Variants in KRT222 observed in about 807,000 individuals in gnomAD.
KRT222 encodes the protein keratin-like protein KRT222.
KRT222 carries 23 observed loss-of-function variants against 35.0 expected under a neutral mutation model. The ratio of observed to expected loss-of-function variants is 0.66; its 90% CI spans 0.47 to 0.93. KRT222 has a LOEUF of 0.93. Ranked by LOEUF, KRT222 falls within the 40% of genes least tolerant of loss-of-function variation. KRT222 has a pLI of 0.00. For synonymous variants in KRT222, 108 were observed against 118.8 expected, an observed-to-expected ratio of 0.91 and a Z score of 0.59; for missense variants, 339 against 346.3, an observed-to-expected ratio of 0.98 and a Z score of 0.17.
rs750079340 is a variant in KRT222 at position 40,661,885 on chromosome 17, ATGGGTCGGTTACTTT to A, written c.225+16_225+30del. The A allele has an allele frequency of 2.5e-6, 4 of 1,606,674 alleles. No individual in the cohort carries two copies. The South Asian group carries it at 4.5e-5, about 18-fold the overall frequency. ...TAATCAAATCACATCTGAGGACTCGATGGGTCGGTTACTTTTGGGATCATTCTCACCACAGCATGG... is the reference window on the plus strand; with the variant it reads ...TAATCAAATCACATCTGAGGACTCGATGGGATCATTCTCACCACAGCATGG... On this transcript the variant is annotated intron_variant, in intron 2 of 5. Transcript: ENST00000394052.
rs185538308 is a variant in KRT222, at chr17:40,664,736, A to G, written c.96+268T>C. ...AGGTTAGAGTGCACCATTTTATGGT[A>G]TGTTGACCCCATGTTAATGATAGGA... On this transcript the variant is annotated intron_variant, in intron 1 of 5. Transcript: ENST00000394052. 1.7e-3 allele frequency among the ~76,000 whole-genome samples: 262 copies of G among 152,322 alleles called. 1 individual carries two copies. The highest frequency in any genetic ancestry group is 5.9e-3 in the African/African-American group (246 of 41,570).
chr17:40,659,311 A>T (rs1204319856), intron 3 of KRT222, among the ~76,000 whole-genome samples: 1 of 151,666 alleles, frequency 6.6e-6, no homozygotes, highest in Non-Finnish European at 1.5e-5. Flanking sequence ...ATGCACCACC[A>T]TGCCCGGCTA....
chr17:40,664,826 A>T (rs1037559983), intron 1 of KRT222, 178 bp downstream of exon 1: 2 of 1,031,344 alleles, frequency 1.9e-6, no homozygotes, highest in Non-Finnish European at 2.7e-6. Flanking sequence ...ATTTAACAAT[A>T]TAATCACAGT....
At position 40,657,342 on chromosome 17, in the gene KRT222, C is replaced by T; in HGVS notation, c.659+10G>A. 1 of 1,514,034 alleles carries T rather than the reference C, an allele frequency of 6.6e-7. No individual in the cohort carries two copies. The allele number at this position is 1,514,034 out of a possible 1,614,324, so 93.8% of individuals were successfully genotyped here. A position where few individuals can be genotyped will look rare whatever the true frequency, so the allele number is the denominator to read the frequency against. ...TATTATTATTTCTTAGTCAAAGTTT[C>T]TTTACTTACTGAATAGTGCCATGAG... is the stretch of plus-strand genomic sequence containing the variant. On this transcript the variant is annotated intron_variant, in intron 5 of 5. Transcript: ENST00000394052.
intron 1 of KRT222, among the ~76,000 whole-genome samples, chr17:40,663,759 T>G (rs1471961779): frequency 2.6e-5 from 4 of 152,258 alleles, no homozygotes; most frequent in Non-Finnish European, 5.9e-5. Context: ...AAAGACACTT[T>G]AAACAAAACT....
rs938978008 is a variant in KRT222, at chr17:40,665,152, GCTGCGGCAGT to G, written c.-63_-54del. ...CTGAACCTTATCGATAGGATGAGTC[GCTGCGGCAGT>G]CTGCTCGGTCTGCGCGGAAGGCAGG... On this transcript the variant is annotated 5_prime_UTR_variant, in exon 1 of 6. Coordinates refer to ENST00000394052, the MANE Select transcript of KRT222 (RefSeq NM_152349.3). 3 of 1,540,082 alleles carry G rather than the reference GCTGCGGCAGT, an allele frequency of 1.9e-6. No individual in the cohort carries two copies. Among genetic ancestry groups the G allele is most frequent in the Non-Finnish European group, 9.0e-7 (1 of 1,115,608 alleles).
intron 1 of KRT222, among the ~76,000 whole-genome samples, chr17:40,664,327 G>C (rs997580377): frequency 2.0e-5 from 3 of 152,056 alleles, no homozygotes; most frequent in African/African-American, 4.8e-5. Flanking sequence ...ATCTAAGTAG[G>C]CTCTCTTTCT....
intron 1 of KRT222, 39 bp from the exon 2 acceptor site, chr17:40,662,083 A>G: frequency 6.2e-7 from 1 of 1,600,338 alleles, no homozygotes; most frequent in Non-Finnish European, 8.5e-7. Flanking sequence ...CAAACAAAAA[A>G]CAAGGAGTGC....
chr17:40,659,541 A>G (rs1343905639), intron 3 of KRT222, among the ~76,000 whole-genome samples: 1 of 152,034 alleles, frequency 6.6e-6, no homozygotes, highest in African/African-American at 2.4e-5. Flanking sequence ...CTCCTACCTT[A>G]GCCTCCCAAG....
chr17:40,659,040 A>C (rs1196356212), intron 3 of KRT222, among the ~76,000 whole-genome samples: 1 of 151,970 alleles, frequency 6.6e-6, no homozygotes, highest in Non-Finnish European at 1.5e-5. Context: ...GATTGTGGTG[A>C]TTGTGAATTT....
intron 2 of KRT222, among the ~76,000 whole-genome samples, chr17:40,661,577 AT>A (rs1275863386): frequency 6.6e-6 from 1 of 152,192 alleles, no homozygotes; most frequent in Non-Finnish European, 1.5e-5. Flanking sequence ...AATATTTTTT[AT>A]TCGACGTCTC....
Position 40,657,710 on chromosome 17 carries a change from G to C in KRT222, c.487C>G (p.Pro163Ala), listed in dbSNP as rs929001911. ...CIQGGKKDKK[P>A]TTSRVGFVLP... ...ACAAAACCAACTCTACTTGTGGTAGGCTTTTTGTCTTTTTTCCCACCTTGG... is the reference window on the plus strand; with the variant it reads ...ACAAAACCAACTCTACTTGTGGTAGCCTTTTTGTCTTTTTTCCCACCTTGG... The change falls in exon 4 of 6, where the codon CCT becomes GCT. Residue 163 changes from proline (P) to alanine (A), a missense_variant. By Grantham distance (27) the Pro-to-Ala change is conservative (BLOSUM62 -1). Transcript: ENST00000394052. 6 of 1,612,418 alleles carry C rather than the reference G, an allele frequency of 3.7e-6. No individual in the cohort carries two copies. In the Admixed American group the frequency reaches 6.7e-5, roughly 18 times the overall value.
rs1328919668 is a variant in KRT222, at chr17:40,657,411, T to A, written c.600A>T (p.Lys200Asn). 3 of 1,611,338 alleles carry A rather than the reference T, an allele frequency of 1.9e-6. No individual in the cohort carries two copies. The highest frequency in any genetic ancestry group is 2.5e-6 in the Non-Finnish European group (3 of 1,178,878). The change falls in exon 5 of 6, where the codon AAA becomes AAT. Residue 200 changes from lysine (K) to asparagine (N), a missense_variant. Lys to Asn is a moderately conservative substitution (Grantham distance 94, BLOSUM62 0). Coordinates refer to ENST00000394052, the MANE Select transcript of KRT222 (RefSeq NM_152349.3). The part of the protein sequence containing the change: ...YENENVETVT[K>N]QAILNGSIVK... ...CGATACTCCCATTTAAGATTGCCTG[T>A]TTGGTTACTGTTTCTACATTTTCAT...
At chr17:40,664,887 C>T in intron 1 of KRT222, 117 bp downstream of exon 1, 2 of 1,544,982 alleles carry the variant, frequency 1.3e-6, no homozygotes, top group Non-Finnish European at 1.7e-6. Flanking sequence ...AATTCCTTCC[C>T]CAATAGATGC....
At chr17:40,658,831 T>C (rs2037361769) in intron 3 of KRT222, among the ~76,000 whole-genome samples, 1 of 152,230 alleles carries the variant, frequency 6.6e-6, no homozygotes, top group Admixed American at 6.5e-5. Flanking sequence ...AATATGACCT[T>C]ATAAGTCATT....
At chr17:40,663,392 T>G (rs2037398668) in intron 1 of KRT222, among the ~76,000 whole-genome samples, 1 of 152,230 alleles carries the variant, frequency 6.6e-6, no homozygotes, top group Non-Finnish European at 1.5e-5. Context: ...TAGCTTCCAC[T>G]TCTATGCTTT....
At chr17:40,661,790 G>A in intron 2 of KRT222, 126 bp downstream of exon 2, 2 of 1,198,434 alleles carry the variant, frequency 1.7e-6, no homozygotes, top group Middle Eastern at 2.0e-4. Context: ...TAGGATCAGG[G>A]ATAGAATTCA....
chr17:40,655,362 T>G lies in KRT222; in HGVS notation c.*1040A>C, dbSNP rs1402364087. The G allele has an allele frequency of 1.3e-5, 2 of 152,066 alleles. No homozygotes were observed. The highest frequency in any genetic ancestry group is 1.5e-5 in the Non-Finnish European group (1 of 67,940). 9.4% of individuals were successfully genotyped at this position (152,066 alleles called of 1,614,324 possible). On this transcript the variant is annotated 3_prime_UTR_variant, in exon 6 of 6. Coordinates refer to ENST00000394052, the MANE Select transcript of KRT222 (RefSeq NM_152349.3). ...ACAATACCTCACTTATTCACAAATA[T>G]ATTTTCTACCCATATTTATTACAAT...
At chr17:40,661,861 A>G in intron 2 of KRT222, 55 bp downstream of exon 2, 1 of 1,569,794 alleles carries the variant, frequency 6.4e-7, no homozygotes, top group Non-Finnish European at 8.6e-7. Flanking sequence ...TCCTTCTCTT[A>G]ATCAAATCAC....
Sources: allele counts gnomAD v4.1 joint callset (sites outside exome capture counted in the v4.1 genomes callset), GRCh38; gene constraint gnomAD v4.1.1; transcripts MANE v1.5; gene names NCBI Gene and HGNC (gene_info 2026-07-23, HGNC 2026-07-21).